The following LGSN variants were observed in gnomAD, a reference collection of about 807,000 sequenced individuals.
The protein encoded by LGSN is lengsin, lens protein with glutamine synthetase domain.
In LGSN, 21 loss-of-function variants were observed where a neutral mutation model predicts 19.5. That is an observed-to-expected ratio of 1.07 (90% CI 0.76 to 1.55). LGSN has a LOEUF of 1.55. Ranked by LOEUF, LGSN falls within the 40% of genes most tolerant of loss-of-function variation. The pLI is 0.00. For missense variants in LGSN, 673 were observed against 608.5 expected, an observed-to-expected ratio of 1.11 and a Z score of -1.12; for synonymous variants, 257 against 215.6, an observed-to-expected ratio of 1.19 and a Z score of -1.68.
the LGSN span, among the ~76,000 whole-genome samples, chr6:63,544,897 C>T: frequency 6.6e-6 from 1 of 152,138 alleles, no homozygotes; most frequent in East Asian, 1.9e-4. Context: ...AACTACTTTT[C>T]CCTTTACAAT....
intron 1 of LGSN, among the ~76,000 whole-genome samples, chr6:63,305,712 C>G (rs1167825225): frequency 9.9e-5 from 15 of 152,170 alleles, no homozygotes; most frequent in Admixed American, 9.8e-4. Context: ...GCCCAATTCT[C>G]AAATCATTCT....
intron 2 of LGSN, chr6:63,293,610 G>T: frequency 2.6e-6 from 1 of 389,938 alleles, no homozygotes; most frequent in Admixed American, 3.0e-5. Flanking sequence ...CAGACTTAGG[G>T]TTAGTGGCTA....
chr6:63,523,387 A>T, the LGSN span, among the ~76,000 whole-genome samples: 1 of 152,088 alleles, frequency 6.6e-6, no homozygotes, highest in East Asian at 1.9e-4. Flanking sequence ...CACAAAAATT[A>T]GCCAGGCATG....
intron 1 of LGSN, among the ~76,000 whole-genome samples, chr6:63,307,653 A>AT (rs1183726774): frequency 6.6e-6 from 1 of 152,214 alleles, no homozygotes; most frequent in Non-Finnish European, 1.5e-5. Flanking sequence ...TGGTGGCACC[A>AT]TTATGTTGGA....
At chr6:63,358,594 A>G in the LGSN span, among the ~76,000 whole-genome samples, 12 of 152,246 alleles carry the variant, frequency 7.9e-5, no homozygotes, top group East Asian at 2.1e-3. Flanking sequence ...CTTTGAAGCA[A>G]TTGTGAATGG....
chr6:63,420,260 T>TC, the LGSN span, among the ~76,000 whole-genome samples: 1 of 151,604 alleles, frequency 6.6e-6, no homozygotes, highest in Non-Finnish European at 1.5e-5. Context: ...CCCTTCTGCA[T>TC]CCCCCCGGCC....
chr6:63,381,822 C>A, the LGSN span, among the ~76,000 whole-genome samples: 1 of 152,212 alleles, frequency 6.6e-6, no homozygotes, highest in Admixed American at 6.5e-5. Context: ...CAGATTATGG[C>A]ATTATAGCTC....
intron 1 of LGSN, among the ~76,000 whole-genome samples, chr6:63,297,760 A>G (rs191479295): frequency 6.6e-6 from 1 of 152,268 alleles, no homozygotes; most frequent in East Asian, 1.9e-4. Context: ...ATATAAATAA[A>G]ATCATATTGT....
the LGSN span, among the ~76,000 whole-genome samples, chr6:63,347,847 A>G: frequency 2.0e-5 from 3 of 152,204 alleles, no homozygotes; most frequent in Non-Finnish European, 4.4e-5. Context: ...AAAATCCAAA[A>G]TGCTTGCTAA....
the LGSN span, among the ~76,000 whole-genome samples, chr6:63,489,311 T>C: frequency 6.6e-6 from 1 of 152,226 alleles, no homozygotes. Flanking sequence ...TATATCTAAA[T>C]AGCCTGGAAT....
At chr6:63,483,134 C>T in the LGSN span, among the ~76,000 whole-genome samples, 1 of 152,160 alleles carries the variant, frequency 6.6e-6, no homozygotes. Flanking sequence ...ACAGAATAGG[C>T]AATTAAAAGT....
chr6:63,515,217 T>TTTTGTTTG, the LGSN span, among the ~76,000 whole-genome samples: 2 of 150,596 alleles, frequency 1.3e-5, no homozygotes, highest in Admixed American at 6.6e-5. Flanking sequence ...TAAAAAGTTT[T>TTTTGTTTG]TTTGTTTGTT....
the LGSN span, among the ~76,000 whole-genome samples, chr6:63,565,137 G>A: frequency 1.6e-4 from 24 of 152,014 alleles, no homozygotes; most frequent in East Asian, 1.9e-4. Context: ...CTCAACCTCC[G>A]AGGGAGCTAC....
chr6:63,281,304 A>AACATATATAT (rs1472299320), intron 3 of LGSN, 84 bp from the exon 4 acceptor site: 1 of 135,468 alleles, frequency 7.4e-6, no homozygotes, highest in Admixed American at 8.7e-5. Context: ...TGCTAATGAA[A>AACATATATAT]ATATATATAT....
At chr6:63,568,020 C>A in the LGSN span, among the ~76,000 whole-genome samples, 2 of 152,200 alleles carry the variant, frequency 1.3e-5, no homozygotes, top group African/African-American at 2.4e-5. Context: ...TAAGGCCTTG[C>A]TCTGAATTAG....
the LGSN span, among the ~76,000 whole-genome samples, chr6:63,371,747 A>G: frequency 6.6e-6 from 1 of 152,238 alleles, no homozygotes; most frequent in Non-Finnish European, 1.5e-5. Flanking sequence ...ATAACCCAAT[A>G]CTAATGACTT....
chr6:63,479,070 G>C, the LGSN span, among the ~76,000 whole-genome samples: 1 of 152,172 alleles, frequency 6.6e-6, no homozygotes, highest in Non-Finnish European at 1.5e-5. Context: ...GGTCTGTCTG[G>C]AGACAGGAGT....
chr6:63,526,866 A>G, the LGSN span, among the ~76,000 whole-genome samples: 2 of 145,070 alleles, frequency 1.4e-5, no homozygotes, highest in South Asian at 2.2e-4. Flanking sequence ...AAGGGCTTCC[A>G]TAGGATGCAT....
the LGSN span, among the ~76,000 whole-genome samples, chr6:63,332,467 C>T: frequency 2.0e-5 from 3 of 152,048 alleles, no homozygotes; most frequent in Non-Finnish European, 4.4e-5. Context: ...GTTGTTGGGA[C>T]CCCAGAGCTG....
Sources: gnomAD v4.1 joint callset for allele counts (sites outside exome capture counted in the v4.1 genomes callset) on GRCh38, gnomAD v4.1.1 for gene constraint, MANE v1.5 for transcripts, NCBI Gene and HGNC (gene_info 2026-07-23, HGNC 2026-07-21) for gene names.